Variants in TSPAN1 observed in about 807,000 individuals in gnomAD.
The protein encoded by TSPAN1 is tetraspanin 1.
In TSPAN1, 23 loss-of-function variants were observed where a neutral mutation model predicts 26.9. The observed-to-expected ratio is 0.85, with a 90% CI of 0.62 to 1.21. The LOEUF (loss-of-function observed/expected upper bound fraction) is 1.21. Ranked by LOEUF, TSPAN1 falls within the 50% of genes most tolerant of loss-of-function variation. The pLI is 0.00. For missense variants in TSPAN1, 283 were observed against 298.4 expected, an observed-to-expected ratio of 0.95 and a Z score of 0.38; for synonymous variants, 115 against 114.8, an observed-to-expected ratio of 1.00 and a Z score of -0.01.
At chr1:46,189,802 G>C, downstream of TSPAN1, 1 of 1,611,030 alleles carries the variant, frequency 6.2e-7, no homozygotes, top group Admixed American at 1.7e-5. Context: ...TCTTGGGGCA[G>C]TATGTGTGTG....
the TSPAN1 span, chr1:46,193,225 G>C: frequency 6.2e-7 from 1 of 1,614,160 alleles, no homozygotes; most frequent in Non-Finnish European, 8.5e-7. Flanking sequence ...GCTGGGAGTG[G>C]GGTGGGAATA....
chr1:46,183,465 G>GGCTT, intron 3 of TSPAN1: 1 of 152,656 alleles, frequency 6.6e-6, no homozygotes, highest in East Asian at 1.9e-4. Flanking sequence ...TGGGCCGGGA[G>GGCTT]GCTTTCCTCT....
chr1:46,176,594 C>CATGAGGAGGGGCCAGGG, intron 1 of TSPAN1: 1 of 1,212,212 alleles, frequency 8.2e-7, no homozygotes, highest in Non-Finnish European at 1.1e-6. Context: ...GGCCCTGGCC[C>CATGAGGAGGGGCCAGGG]CTCCTCATGG....
Position 46,184,641 on chromosome 1 carries a change from T to G in TSPAN1, c.312T>G (p.Ala104=). 1 of 1,614,070 alleles carries G rather than the reference T, an allele frequency of 6.2e-7. No individual in the cohort carries two copies. Among genetic ancestry groups the G allele is most frequent in the Non-Finnish European group, 8.5e-7 (1 of 1,180,012 alleles). ...TCTTCATTGCTGAGGTTGCAGCTGC[T>G]GTGGTCGCCTTGGTGTACACCACAA... ...LLIFIAEVAA[A]VVALVYTTMA... The change falls in exon 5 of 9, where the codon GCT becomes GCG. Residue 104 remains alanine, a synonymous_variant. Coordinates refer to ENST00000372003, the MANE Select transcript of TSPAN1 (RefSeq NM_005727.4).
chr1:46,189,808 G>A (rs112610756), downstream of TSPAN1: 2,978 of 1,612,112 alleles, frequency 1.8e-3, 56 homozygotes, highest in African/African-American at 0.033. Context: ...GGCAGTATGT[G>A]TGTGAGGGGG....
chr1:46,188,766 T>C (rs950180642), downstream of TSPAN1: 1 of 1,612,828 alleles, frequency 6.2e-7, no homozygotes, highest in African/African-American at 1.3e-5. Context: ...AGAGGAGGCC[T>C]GGTCCAGTGT....
chr1:46,188,561 C>T, downstream of TSPAN1: 1 of 1,331,740 alleles, frequency 7.5e-7, no homozygotes, highest in Middle Eastern at 2.7e-4. Flanking sequence ...GCCAAATGGC[C>T]CCAAATGGAA....
Position 46,185,029 on chromosome 1 carries a change from T to G in TSPAN1, c.508T>G (p.Phe170Val). 6.2e-7 allele frequency: 1 copy of G among 1,614,146 alleles called. No individual in the cohort carries two copies. The highest frequency in any genetic ancestry group is 8.5e-7 in the Non-Finnish European group (1 of 1,180,030). Residue 170 changes from phenylalanine to valine, a missense_variant, in exon 7 of 9, where the codon TTT (phenylalanine) becomes GTT (valine). Coordinates refer to ENST00000372003, the MANE Select transcript of TSPAN1 (RefSeq NM_005727.4). ...ACCCTACTTCAAAGAGAACAGTGCC[T>G]TTCCCCCATTCTGTTGCAATGACAA... ...DSPYFKENSA[F>V]PPFCCNDNVT...
chr1:46,186,664 G>GTTTTTTTT (rs759573351), downstream of TSPAN1, among the ~76,000 whole-genome samples: 1 of 71,830 alleles, frequency 1.4e-5, no homozygotes, highest in Non-Finnish European at 2.6e-5. Context: ...TAATTTTTGT[G>GTTTTTTTT]TTTTTTTTTT....
At chr1:46,189,797 G>A, downstream of TSPAN1, 1 of 1,609,370 alleles carries the variant, frequency 6.2e-7, no homozygotes, top group Non-Finnish European at 8.5e-7. Context: ...CTGGATCTTG[G>A]GGCAGTATGT....
intron 1 of TSPAN1, chr1:46,176,425 C>T (rs908052284): frequency 2.4e-4 from 369 of 1,535,632 alleles, no homozygotes; most frequent in Non-Finnish European, 2.5e-4. Context: ...GTAGGGGGAA[C>T]GCATGCCCTG....
downstream of TSPAN1, among the ~76,000 whole-genome samples, chr1:46,186,660 TTG>T (rs1283833023): frequency 1.4e-5 from 2 of 141,188 alleles, no homozygotes; most frequent in East Asian, 2.2e-4. Flanking sequence ...CGGCTAATTT[TTG>T]TGTTTTTTTT....
chr1:46,181,930 C>T (rs905695267), intron 3 of TSPAN1, among the ~76,000 whole-genome samples: 6 of 151,980 alleles, frequency 3.9e-5, no homozygotes, highest in African/African-American at 1.2e-4. Flanking sequence ...TTGCATAGGG[C>T]ATGTTTGAGA....
chr1:46,195,291 C>T, the TSPAN1 span, among the ~76,000 whole-genome samples: 8 of 152,102 alleles, frequency 5.3e-5, no homozygotes, highest in East Asian at 1.9e-4. Flanking sequence ...TCAAATATGC[C>T]GTGTACCTTC....
chr1:46,190,512 T>C (rs1174476109), downstream of TSPAN1: 1 of 1,605,838 alleles, frequency 6.2e-7, no homozygotes, highest in East Asian at 2.2e-5. Flanking sequence ...AGCTTCTTTC[T>C]TCAGACTGAA....
chr1:46,194,549 C>G, the TSPAN1 span: 23 of 1,614,076 alleles, frequency 1.4e-5, no homozygotes, highest in Non-Finnish European at 1.8e-5. Context: ...TCCACTAACT[C>G]CACCTTCTGC....
At chr1:46,177,537 C>T (rs1448974593) in intron 1 of TSPAN1, among the ~76,000 whole-genome samples, 1 of 152,120 alleles carries the variant, frequency 6.6e-6, no homozygotes, top group Non-Finnish European at 1.5e-5. Flanking sequence ...TTCAGCACTA[C>T]AACTGGGGAC....
chr1:46,188,928 T>G (rs1657524869), downstream of TSPAN1: 1 of 1,612,728 alleles, frequency 6.2e-7, no homozygotes, highest in African/African-American at 1.3e-5. Flanking sequence ...AGGTTCGGCC[T>G]GTTTTCAAGG....
At chr1:46,189,400 C>T (rs763158209), downstream of TSPAN1, 17 of 1,613,894 alleles carry the variant, frequency 1.1e-5, no homozygotes, top group East Asian at 3.6e-4. Flanking sequence ...AAGCCATTAG[C>T]TATATCCCTG....
Sources: gnomAD v4.1 joint callset for allele counts (sites outside exome capture counted in the v4.1 genomes callset) on GRCh38, gnomAD v4.1.1 for gene constraint, MANE v1.5 for transcripts, NCBI Gene and HGNC (gene_info 2026-07-23, HGNC 2026-07-21) for gene names.